The following VWC2L variants were observed in gnomAD, a reference collection of about 807,000 sequenced individuals.
VWC2L encodes the protein von Willebrand factor C domain-containing protein 2-like.
A neutral mutation model predicts 21.6 loss-of-function variants in VWC2L; 10 were observed. That is an observed-to-expected ratio of 0.46 (90% CI 0.29 to 0.78). The LOEUF (loss-of-function observed/expected upper bound fraction) is 0.78. Among genes scored for constraint, VWC2L ranks in the 30% least tolerant of loss-of-function variants. The probability of loss-of-function intolerance (pLI) is 0.10; values close to 1 mark genes in which losing one functional copy is unlikely to be tolerated. For missense variants in VWC2L, 209 were observed against 277.1 expected, an observed-to-expected ratio of 0.75 and a Z score of 1.74; for synonymous variants, 96 against 94.3, an observed-to-expected ratio of 1.02 and a Z score of -0.10.
chr2:214,454,748 G>A (rs933235978), intron 3 of VWC2L, among the ~76,000 whole-genome samples: 9 of 151,242 alleles, frequency 6.0e-5, no homozygotes, highest in South Asian at 2.1e-4. Flanking sequence ...GACTACAGGC[G>A]CCTGCCACCA....
At chr2:214,504,883 A>G (rs1296450260) in intron 3 of VWC2L, among the ~76,000 whole-genome samples, 1 of 152,234 alleles carries the variant, frequency 6.6e-6, no homozygotes, top group Non-Finnish European at 1.5e-5. Context: ...GGATAGACAG[A>G]CAAGTCCAAT....
intron 3 of VWC2L, among the ~76,000 whole-genome samples, chr2:214,519,250 G>A (rs937474578): frequency 6.6e-6 from 1 of 152,054 alleles, no homozygotes; most frequent in African/African-American, 2.4e-5. Flanking sequence ...ATGTACTGCT[G>A]CTCTTTCACC....
chr2:214,564,374 A>T (rs1690029275), intron 3 of VWC2L, among the ~76,000 whole-genome samples: 1 of 152,224 alleles, frequency 6.6e-6, no homozygotes, highest in African/African-American at 2.4e-5. Flanking sequence ...AATCCTAAAC[A>T]AAAAGAACAA....
At chr2:214,530,442 C>A (rs941152379) in intron 3 of VWC2L, among the ~76,000 whole-genome samples, 7 of 152,152 alleles carry the variant, frequency 4.6e-5, no homozygotes, top group Non-Finnish European at 7.3e-5. Context: ...TTACAATACA[C>A]ATTAGGTAAT....
chr2:214,483,594 G>T (rs981654615), intron 3 of VWC2L, among the ~76,000 whole-genome samples: 1 of 152,098 alleles, frequency 6.6e-6, no homozygotes, highest in Non-Finnish European at 1.5e-5. Context: ...ACAGCAATAC[G>T]TTTACATTCA....
chr2:214,495,092 GT>G (rs1182839632), intron 3 of VWC2L, among the ~76,000 whole-genome samples: 5 of 152,040 alleles, frequency 3.3e-5, no homozygotes, highest in Admixed American at 3.3e-4. Flanking sequence ...TGGTTCAACG[GT>G]TTTTATTGTT....
rs753734894 is a variant in VWC2L, at chr2:214,436,765, C to T, written c.520+7C>T. On this transcript the variant is annotated splice_region_variant and intron_variant, in intron 3 of 3. Coordinates refer to ENST00000312504, the MANE Select transcript of VWC2L (RefSeq NM_001080500.4). ...TGTCCTGTCTGCAAAAATGGTAAGACCACACTGCATTAGCTTTTGAAGAGG... is the reference window on the plus strand; with the variant it reads ...TGTCCTGTCTGCAAAAATGGTAAGATCACACTGCATTAGCTTTTGAAGAGG... The T allele has an allele frequency of 1.9e-6, 3 of 1,612,782 alleles. No homozygotes were observed. In the African/African-American group the frequency reaches 4.0e-5, roughly 22 times the overall value.
At chr2:214,429,357 C>G (rs1052171966) in intron 2 of VWC2L, among the ~76,000 whole-genome samples, 3 of 152,180 alleles carry the variant, frequency 2.0e-5, no homozygotes, top group African/African-American at 7.2e-5. Context: ...GGACTAAGGA[C>G]GGCTGCTTTT....
intron 2 of VWC2L, among the ~76,000 whole-genome samples, chr2:214,430,160 C>T (rs1158581466): frequency 6.6e-6 from 1 of 151,786 alleles, no homozygotes; most frequent in Admixed American, 6.6e-5. Flanking sequence ...AAAAATAGAA[C>T]ATTGATAAAA....
intron 3 of VWC2L, among the ~76,000 whole-genome samples, chr2:214,475,156 A>T (rs918691987): frequency 1.3e-5 from 2 of 152,114 alleles, no homozygotes; most frequent in Non-Finnish European, 2.9e-5. Context: ...TCTTTGTTGT[A>T]CCTCAACGGG....
At chr2:214,520,321 T>C (rs1193581042) in intron 3 of VWC2L, among the ~76,000 whole-genome samples, 8 of 152,226 alleles carry the variant, frequency 5.3e-5, no homozygotes, top group African/African-American at 1.9e-4. Context: ...CACTTTTCCA[T>C]GTAATCAATT....
At chr2:214,472,699 G>T (rs4331499) in intron 3 of VWC2L, among the ~76,000 whole-genome samples, 128,324 of 152,284 alleles carry the variant, frequency 0.84, 57,801 homozygotes, top group South Asian at 0.99. Flanking sequence ...ATGGTGATGA[G>T]ATTGCCATTG....
chr2:214,426,856 C>A (rs1702530918), intron 2 of VWC2L, among the ~76,000 whole-genome samples: 1 of 152,142 alleles, frequency 6.6e-6, no homozygotes, highest in Non-Finnish European at 1.5e-5. Context: ...TGTTTAGTCA[C>A]CTCTTTTTCA....
At chr2:214,429,047 T>C (rs767054943) in intron 2 of VWC2L, among the ~76,000 whole-genome samples, 6 of 152,192 alleles carry the variant, frequency 3.9e-5, no homozygotes, top group Non-Finnish European at 7.3e-5. Context: ...TCATCTCCTA[T>C]GATTCTTTCA....
At chr2:214,476,548 A>T (rs1363641246) in intron 3 of VWC2L, among the ~76,000 whole-genome samples, 1 of 152,182 alleles carries the variant, frequency 6.6e-6, no homozygotes. Context: ...TAAACTAAAA[A>T]GATTACTTGT....
chr2:214,549,160 T>G (rs1349888262), intron 3 of VWC2L, among the ~76,000 whole-genome samples: 5 of 152,190 alleles, frequency 3.3e-5, no homozygotes, highest in Admixed American at 6.5e-5. Flanking sequence ...GCTCCTCTTA[T>G]TAGACCCTTG....
chr2:214,549,250 C>T (rs990951102), intron 3 of VWC2L, among the ~76,000 whole-genome samples: 2 of 152,158 alleles, frequency 1.3e-5, no homozygotes, highest in East Asian at 1.9e-4. Context: ...TCAGCACACT[C>T]GCTTTTACCA....
At chr2:214,420,600 T>C (rs1702424284) in intron 2 of VWC2L, among the ~76,000 whole-genome samples, 1 of 152,228 alleles carries the variant, frequency 6.6e-6, no homozygotes, top group Admixed American at 6.5e-5. Flanking sequence ...TTTATTTTAA[T>C]AACAGAGAAA....
chr2:214,548,477 T>C (rs1689744321), intron 3 of VWC2L, among the ~76,000 whole-genome samples: 1 of 152,176 alleles, frequency 6.6e-6, no homozygotes, highest in Non-Finnish European at 1.5e-5. Context: ...ATAAATACTC[T>C]AAAACACTGC....
Sources: gnomAD v4.1 joint callset for allele counts (sites outside exome capture counted in the v4.1 genomes callset) on GRCh38, gnomAD v4.1.1 for gene constraint, MANE v1.5 for transcripts, NCBI Gene and HGNC (gene_info 2026-07-23, HGNC 2026-07-21) for gene names.